Variants in CBX7 observed in about 807,000 individuals in gnomAD.
The protein encoded by CBX7 is chromobox 7.
A neutral mutation model predicts 31.4 loss-of-function variants in CBX7; 14 were observed. The observed-to-expected ratio is 0.45, with a 90% CI of 0.29 to 0.70. The LOEUF is 0.70. Ranked by LOEUF, CBX7 falls within the 30% of genes least tolerant of loss-of-function variation. CBX7 has a pLI of 0.11. For missense variants in CBX7, 269 were observed against 351.9 expected (o/e 0.76, Z 1.89); for synonymous variants, 159 against 152.6 (o/e 1.04, Z -0.31).
intron 4 of CBX7, 172 bp from the exon 5 acceptor site, chr22:39,134,924 C>T (rs1030592034): frequency 2.9e-5 from 17 of 581,990 alleles, no homozygotes; most frequent in East Asian, 2.4e-4. Context: ...CCAGAGAGTG[C>T]GCCCCGGGCA....
chr22:39,141,501 C>A (rs1930455073), intron 2 of CBX7, 65 bp from the exon 3 acceptor site: 1 of 1,423,390 alleles, frequency 7.0e-7, no homozygotes, highest in Non-Finnish European at 9.7e-7. Context: ...GTAATCCCAG[C>A]ACTTTGGGAG....
chr22:39,131,793 C>T lies in CBX7; in HGVS notation c.*2098G>A, dbSNP rs1371476642. 1 of 152,286 alleles carries T rather than the reference C, an allele frequency of 6.6e-6. No homozygotes were observed. Among genetic ancestry groups the T allele is most frequent in the Non-Finnish European group, 1.5e-5 (1 of 68,106 alleles). 9.4% of individuals were successfully genotyped at this position (152,286 alleles called of 1,614,324 possible). ...AAGCAGGAAAAAGGTCCTATGTCCC[C>T]TGGGGGATGGGGAGCGTGACTTCTG... On this transcript the variant is annotated 3_prime_UTR_variant, in exon 6 of 6. Coordinates refer to ENST00000216133, the MANE Select transcript of CBX7 (RefSeq NM_175709.5).
chr22:39,145,850 C>A, intron 2 of CBX7, among the ~76,000 whole-genome samples: 1 of 151,864 alleles, frequency 6.6e-6, no homozygotes, highest in African/African-American at 2.4e-5. Context: ...CCCCGCCGCG[C>A]AGGGCTCGCC....
chr22:39,141,006 A>G (rs371098952), intron 3 of CBX7: 7 of 244,136 alleles, frequency 2.9e-5, no homozygotes, highest in South Asian at 2.6e-4. Flanking sequence ...CTCCTAGCAC[A>G]CAGGGCATCT....
intron 4 of CBX7, chr22:39,135,065 A>C: frequency 1.2e-4 from 41 of 340,156 alleles, no homozygotes; most frequent in Non-Finnish European, 1.5e-4. Context: ...AGAGAAACAA[A>C]TCTGGATGCA....
chr22:39,150,282 C>A (rs763269616), intron 1 of CBX7, among the ~76,000 whole-genome samples: 9 of 152,338 alleles, frequency 5.9e-5, no homozygotes, highest in East Asian at 5.8e-4. Flanking sequence ...GCTCCTCCCC[C>A]ATCTGCTGAG....
At chr22:39,146,138 G>C (rs970792760) in intron 2 of CBX7, among the ~76,000 whole-genome samples, 1 of 152,248 alleles carries the variant, frequency 6.6e-6, no homozygotes, top group African/African-American at 2.4e-5. Flanking sequence ...CACCGCTCTG[G>C]GGCCTCATCC....
intron 2 of CBX7, among the ~76,000 whole-genome samples, chr22:39,142,583 G>A (rs552909738): frequency 4.5e-4 from 68 of 152,322 alleles, no homozygotes; most frequent in South Asian, 2.1e-3. Context: ...TGGAACCACC[G>A]TGGTGACACC....
intron 2 of CBX7, among the ~76,000 whole-genome samples, chr22:39,142,583 G>C (rs552909738): frequency 1.3e-5 from 2 of 152,204 alleles, no homozygotes; most frequent in Non-Finnish European, 2.9e-5. Context: ...TGGAACCACC[G>C]TGGTGACACC....
intron 4 of CBX7, among the ~76,000 whole-genome samples, chr22:39,137,507 C>T (rs951784356): frequency 2.6e-5 from 4 of 152,062 alleles, no homozygotes; most frequent in African/African-American, 9.7e-5. Flanking sequence ...CGCCACCATC[C>T]CCAGCTAATT....
At chr22:39,151,887 G>C (rs939116917) in intron 1 of CBX7, among the ~76,000 whole-genome samples, 1 of 150,074 alleles carries the variant, frequency 6.7e-6, no homozygotes, top group Non-Finnish European at 1.5e-5. Context: ...CTCGGGTGGC[G>C]TAGAGGGGGC....
intron 2 of CBX7, chr22:39,147,510 C>CA (rs1260515814): frequency 6.6e-6 from 1 of 152,192 alleles, no homozygotes; most frequent in Non-Finnish European, 1.5e-5. Context: ...GCCTGGAGGA[C>CA]ACAGCCTGCC....
rs755526914 is a variant in CBX7, at chr22:39,141,434, T to C, written c.116A>G (p.Tyr39Cys). The change falls in exon 3 of 6, where the codon TAC becomes TGC. Residue 39 changes from tyrosine (Y) to cysteine (C), a missense_variant and splice_region_variant. Physicochemically the swap from Tyr to Cys is radical, Grantham distance 194 (BLOSUM62 -2). Transcript: ENST00000216133. ...GTGCTCTTCTGGCTCCCACGTGCTG[T>C]ACCTGGGGAGAGGAATGAAAGGTCA... Reference protein sequence around the residue: ...LVKWKGWPPKYSTWEPEEHIL... With the variant: ...LVKWKGWPPKCSTWEPEEHIL... The C allele has an allele frequency of 6.2e-6, 10 of 1,610,962 alleles. No homozygotes were observed. The highest frequency in any genetic ancestry group is 1.3e-5 in the African/African-American group (1 of 74,792).
intron 2 of CBX7, 106 bp downstream of exon 2, chr22:39,149,683 G>A (rs1202948231): frequency 2.2e-6 from 2 of 895,850 alleles, no homozygotes; most frequent in South Asian, 1.3e-5. Flanking sequence ...CCAGTTACAA[G>A]AGTAGCTGGA....
Position 39,141,506 on chromosome 22 carries a change from TG to T in CBX7, c.114-71del, listed in dbSNP as rs943995049. 1.4e-4 allele frequency: 195 copies of T among 1,369,838 alleles called. No homozygotes were observed. The South Asian group carries it at 2.2e-3, about 15-fold the overall frequency. The allele number at this position is 1,369,838 out of a possible 1,614,324, so 84.9% of individuals were successfully genotyped here. ...GCTCATGCCTGTAATCCCAGCACTT[TG>T]GGAGGCCGAGGCGGGCAAATCACCT... On this transcript the variant is annotated intron_variant, in intron 2 of 5. Coordinates refer to ENST00000216133, the MANE Select transcript of CBX7 (RefSeq NM_175709.5).
At chr22:39,146,280 G>A (rs1303518152) in intron 2 of CBX7, among the ~76,000 whole-genome samples, 2 of 152,246 alleles carry the variant, frequency 1.3e-5, no homozygotes, top group Non-Finnish European at 2.9e-5. Context: ...TCAATGAAAA[G>A]CCCAGGGAGC....
chr22:39,137,466 A>G (rs961855728), intron 4 of CBX7, among the ~76,000 whole-genome samples: 1 of 152,014 alleles, frequency 6.6e-6, no homozygotes, highest in African/African-American at 2.4e-5. Flanking sequence ...GTCCTGTCTC[A>G]GCCCCCTGAG....
intron 2 of CBX7, among the ~76,000 whole-genome samples, chr22:39,143,384 A>T (rs1930528663): frequency 6.6e-6 from 1 of 152,204 alleles, no homozygotes; most frequent in Non-Finnish European, 1.5e-5. Context: ...ACAGCCATAC[A>T]TGTTTATGTT....
At chr22:39,144,081 C>G (rs933119218) in intron 2 of CBX7, among the ~76,000 whole-genome samples, 1 of 152,050 alleles carries the variant, frequency 6.6e-6, no homozygotes, top group African/African-American at 2.4e-5. Context: ...TGCCGCCTCC[C>G]AATCCCTAGA....
Sources: gnomAD v4.1 joint callset for allele counts (sites outside exome capture counted in the v4.1 genomes callset) on GRCh38, gnomAD v4.1.1 for gene constraint, MANE v1.5 for transcripts, NCBI Gene and HGNC (gene_info 2026-07-23, HGNC 2026-07-21) for gene names.